The following CDH2 variants were observed in gnomAD, a reference collection of about 807,000 sequenced individuals.
CDH2 encodes the protein cadherin-2.
CDH2 carries 17 observed loss-of-function variants against 92.0 expected under a neutral mutation model. The observed-to-expected ratio is 0.18, with a 90% CI of 0.13 to 0.28. The LOEUF (loss-of-function observed/expected upper bound fraction) is 0.28. Ranked by LOEUF, CDH2 falls within the 10% of genes least tolerant of loss-of-function variation. The pLI is 1.00. For missense variants in CDH2, 862 were observed against 1,133.1 expected (o/e 0.76, Z 3.44); for synonymous variants, 419 against 415.9 (o/e 1.01, Z -0.09).
rs1462968810 is a variant in CDH2, at chr18:27,963,352, T to C, written c.2514+5A>G. 1 of 1,613,884 alleles carries C rather than the reference T, an allele frequency of 6.2e-7. No individual in the cohort carries two copies. Among genetic ancestry groups the C allele is most frequent in the Admixed American group, 1.7e-5 (1 of 60,006 alleles). The stretch of plus-strand genomic sequence containing the variant: ...CTTATAGAGAAAACGAGTGTCTCTC[T>C]GTACCTCATTAATGAAGTCCCCAAT... On this transcript the variant is annotated splice_donor_5th_base_variant and intron_variant, in intron 15 of 15. Transcript: ENST00000269141.
At chr18:28,025,178 G>A (rs1053343792) in intron 2 of CDH2, among the ~76,000 whole-genome samples, 1 of 152,046 alleles carries the variant, frequency 6.6e-6, no homozygotes, top group African/African-American at 2.4e-5. Flanking sequence ...TTATGCAGGA[G>A]ACCTCTCTTG....
At chr18:28,077,265 A>G (rs1186184694) in intron 2 of CDH2, among the ~76,000 whole-genome samples, 1 of 152,216 alleles carries the variant, frequency 6.6e-6, no homozygotes. Flanking sequence ...GAAGGTTGTA[A>G]GCAGAAATCA....
chr18:28,122,443 T>A (rs1032440657), intron 2 of CDH2, among the ~76,000 whole-genome samples: 3 of 152,282 alleles, frequency 2.0e-5, no homozygotes, highest in Non-Finnish European at 4.4e-5. Context: ...GCTTTTGTAA[T>A]CTTCGGTATT....
At chr18:27,947,204 G>GTTCTCCTGT (rs1252368851), downstream of CDH2, among the ~76,000 whole-genome samples, 1 of 151,656 alleles carries the variant, frequency 6.6e-6, no homozygotes, top group Non-Finnish European at 1.5e-5. Flanking sequence ...AAATAAGACA[G>GTTCTCCTGT]TAACAGGAGA....
chr18:28,005,646 G>A (rs191067937), intron 6 of CDH2, among the ~76,000 whole-genome samples: 250 of 152,184 alleles, frequency 1.6e-3, no homozygotes, highest in Non-Finnish European at 2.5e-3. Flanking sequence ...ATCAGTATGA[G>A]TAATAAGAAG....
intron 7 of CDH2, among the ~76,000 whole-genome samples, chr18:27,998,324 G>C (rs1049405021): frequency 6.6e-6 from 1 of 152,174 alleles, no homozygotes; most frequent in Non-Finnish European, 1.5e-5. Flanking sequence ...ATTTCAGTTA[G>C]TCCTCACAAT....
At chr18:28,144,443 G>C (rs2016003421) in intron 2 of CDH2, among the ~76,000 whole-genome samples, 2 of 151,872 alleles carry the variant, frequency 1.3e-5, no homozygotes, top group Non-Finnish European at 2.9e-5. Flanking sequence ...ATATTGAAAA[G>C]AACTAACACA....
chr18:28,023,985 T>C (rs2013481043), intron 2 of CDH2, among the ~76,000 whole-genome samples: 1 of 152,170 alleles, frequency 6.6e-6, no homozygotes, highest in African/African-American at 2.4e-5. Context: ...CACTTTGGCT[T>C]AGTATTATAT....
chr18:28,103,493 A>G (rs141270195), intron 2 of CDH2, among the ~76,000 whole-genome samples: 32,155 of 150,074 alleles, frequency 0.21, 3,703 homozygotes, highest in Middle Eastern at 0.35. Context: ...ACACACACAC[A>G]CACACATATA....
chr18:28,101,490 A>G (rs2015225915), intron 2 of CDH2, among the ~76,000 whole-genome samples: 1 of 152,138 alleles, frequency 6.6e-6, no homozygotes, highest in Non-Finnish European at 1.5e-5. Context: ...TTATTGACTT[A>G]TATTTCTCCA....
chr18:27,987,835 G>A (rs2143962114), intron 11 of CDH2, among the ~76,000 whole-genome samples: 1 of 152,274 alleles, frequency 6.6e-6, no homozygotes, highest in African/African-American at 2.4e-5. Context: ...GATTCAAAGT[G>A]GGAAAGCCGG....
In CDH2 at chr18:28,160,299, C is replaced by T. The variant is rs533245899; in HGVS notation, c.61-12515G>A. On this transcript the variant is annotated intron_variant, in intron 1 of 15. Coordinates refer to ENST00000269141, the MANE Select transcript of CDH2 (RefSeq NM_001792.5). ...ATGCCACAATCTGGGTGAAAGCTGC[C>T]GCAATTTGGCCTTGGCAATGGTCTA... is the stretch of plus-strand genomic sequence containing the variant. 7.9e-5 allele frequency among the ~76,000 whole-genome samples: 12 copies of T among 152,122 alleles called. No homozygotes were observed. The East Asian group carries it at 1.4e-3, about 17-fold the overall frequency.
At chr18:28,010,687 G>A (rs1328240241) in intron 4 of CDH2, among the ~76,000 whole-genome samples, 1 of 151,316 alleles carries the variant, frequency 6.6e-6, no homozygotes, top group South Asian at 2.1e-4. Flanking sequence ...TTTTGCGGGG[G>A]GGGAAGGAGT....
intron 2 of CDH2, among the ~76,000 whole-genome samples, chr18:28,138,214 T>C (rs569297623): frequency 6.6e-6 from 1 of 152,108 alleles, no homozygotes; most frequent in African/African-American, 2.4e-5. Flanking sequence ...CCAGATAACG[T>C]TGAAGCTAGG....
At chr18:28,016,064 C>G (rs17522575) in intron 2 of CDH2, among the ~76,000 whole-genome samples, 2 of 152,184 alleles carry the variant, frequency 1.3e-5, no homozygotes, top group South Asian at 2.1e-4. Flanking sequence ...GGGGAAGAGT[C>G]GACCATGATG....
chr18:28,036,389 A>C, intron 2 of CDH2: 1 of 771,054 alleles, frequency 1.3e-6, no homozygotes, highest in East Asian at 2.4e-5. Flanking sequence ...TTTGTACATA[A>C]GTCTTCTCAT....
intron 2 of CDH2, among the ~76,000 whole-genome samples, chr18:28,019,479 A>G (rs1475353155): frequency 6.6e-6 from 1 of 152,090 alleles, no homozygotes; most frequent in Non-Finnish European, 1.5e-5. Context: ...TTAATGTTGT[A>G]CTGTTACTTA....
At chr18:28,151,317 G>T (rs1292208697) in intron 1 of CDH2, among the ~76,000 whole-genome samples, 3 of 152,212 alleles carry the variant, frequency 2.0e-5, no homozygotes, top group Admixed American at 6.5e-5. Context: ...ACAACTGCGA[G>T]GGGGTGCTAC....
At chr18:27,960,238 G>A (rs2011366423) in intron 15 of CDH2, among the ~76,000 whole-genome samples, 1 of 152,168 alleles carries the variant, frequency 6.6e-6, no homozygotes, top group Non-Finnish European at 1.5e-5. Flanking sequence ...ATCTGAGGGA[G>A]GTGAGTTCTG....
Sources: allele counts gnomAD v4.1 joint callset (sites outside exome capture counted in the v4.1 genomes callset), GRCh38; gene constraint gnomAD v4.1.1; transcripts MANE v1.5; gene names NCBI Gene and HGNC (gene_info 2026-07-23, HGNC 2026-07-21).